The following ADAMTSL1 variants were observed in gnomAD, a reference collection of about 807,000 sequenced individuals.
ADAMTSL1 encodes ADAMTS-like protein 1.
A neutral mutation model predicts 201.8 loss-of-function variants in ADAMTSL1; 126 were observed. That is an observed-to-expected ratio of 0.62 (90% CI 0.54 to 0.72). ADAMTSL1 has a LOEUF of 0.72. ADAMTSL1 is among the 30% of genes least tolerant of loss of function. The pLI is 0.00. For missense variants in ADAMTSL1, 2,679 were observed against 2,277.8 expected, an observed-to-expected ratio of 1.18 and a Z score of -3.59; for synonymous variants, 1,121 against 903.4, an observed-to-expected ratio of 1.24 and a Z score of -4.32.
At chr9:18,076,947 C>T (rs549279779) in intron 1 of ADAMTSL1, among the ~76,000 whole-genome samples, 1 of 152,194 alleles carries the variant, frequency 6.6e-6, no homozygotes, top group South Asian at 2.1e-4. Flanking sequence ...TGAATGTATA[C>T]TTGGAATTAC....
chr9:18,225,981 A>T (rs1477229855), intron 2 of ADAMTSL1, among the ~76,000 whole-genome samples: 2 of 152,050 alleles, frequency 1.3e-5, no homozygotes, highest in Non-Finnish European at 2.9e-5. Context: ...TGCTGGTTTC[A>T]TAGTAAAATT....
At chr9:18,159,891 CT>C (rs1382047853) in intron 1 of ADAMTSL1, among the ~76,000 whole-genome samples, 1 of 152,106 alleles carries the variant, frequency 6.6e-6, no homozygotes, top group African/African-American at 2.4e-5. Context: ...GCAAAAGATT[CT>C]TGTTATTCAG....
At chr9:18,766,976 A>C (rs1435556801) in intron 16 of ADAMTSL1, among the ~76,000 whole-genome samples, 1 of 152,168 alleles carries the variant, frequency 6.6e-6, no homozygotes. Context: ...TATGTTTTGT[A>C]AGTAAACCTG....
chr9:18,603,754 C>G (rs35060497), intron 4 of ADAMTSL1, among the ~76,000 whole-genome samples: 16,076 of 152,084 alleles, frequency 0.11, 985 homozygotes, highest in African/African-American at 0.17. Flanking sequence ...TAAGTATATA[C>G]TTCAGGGACA....
At chr9:18,125,514 G>A (rs940284783) in intron 1 of ADAMTSL1, among the ~76,000 whole-genome samples, 2 of 152,102 alleles carry the variant, frequency 1.3e-5, no homozygotes, top group African/African-American at 4.8e-5. Flanking sequence ...CCAAGGTCAT[G>A]AAAATTTATA....
intron 2 of ADAMTSL1, among the ~76,000 whole-genome samples, chr9:18,178,460 G>A (rs367668739): frequency 5.9e-5 from 9 of 152,086 alleles, no homozygotes; most frequent in East Asian, 1.9e-4. Context: ...AGGGGCGCCC[G>A]CCATTGCCCA....
chr9:18,433,961 G>C (rs924662430), intron 2 of ADAMTSL1, among the ~76,000 whole-genome samples: 6 of 152,178 alleles, frequency 3.9e-5, no homozygotes, highest in African/African-American at 1.4e-4. Context: ...CCAATCCAAA[G>C]AGCTGTTAGA....
intron 2 of ADAMTSL1, among the ~76,000 whole-genome samples, chr9:18,408,891 G>T (rs1290640771): frequency 6.6e-6 from 1 of 152,114 alleles, no homozygotes; most frequent in Non-Finnish European, 1.5e-5. Flanking sequence ...CCTTTTAAGA[G>T]TAAAATATAA....
At chr9:18,031,841 G>GTGGGGGGC in intron 1 of ADAMTSL1, among the ~76,000 whole-genome samples, 1 of 152,324 alleles carries the variant, frequency 6.6e-6, no homozygotes, top group African/African-American at 2.4e-5. Context: ...GCTTGGCAGG[G>GTGGGGGGC]TCAGAGTGGG....
chr9:18,806,629 C>G (rs1301057649), intron 20 of ADAMTSL1, among the ~76,000 whole-genome samples: 2 of 152,178 alleles, frequency 1.3e-5, no homozygotes, highest in Non-Finnish European at 2.9e-5. Context: ...AGATATTTTT[C>G]AAACACATAT....
At chr9:18,804,847 GAT>G (rs1397028172) in intron 20 of ADAMTSL1, among the ~76,000 whole-genome samples, 2 of 152,122 alleles carry the variant, frequency 1.3e-5, no homozygotes, top group Non-Finnish European at 2.9e-5. Flanking sequence ...ACGTTTCTTT[GAT>G]ATACTCACTC....
chr9:18,068,744 G>T (rs1822822683), intron 1 of ADAMTSL1, among the ~76,000 whole-genome samples: 1 of 152,170 alleles, frequency 6.6e-6, no homozygotes, highest in Admixed American at 6.5e-5. Context: ...AGCACTCTAT[G>T]TGGCAATAGC....
chr9:18,254,251 T>C (rs931830477), intron 2 of ADAMTSL1, among the ~76,000 whole-genome samples: 1 of 152,074 alleles, frequency 6.6e-6, no homozygotes, highest in African/African-American at 2.4e-5. Flanking sequence ...TCATTATTAT[T>C]TGAGGGCTAA....
chr9:18,583,477 G>A (rs952543622), intron 4 of ADAMTSL1, among the ~76,000 whole-genome samples: 1 of 152,204 alleles, frequency 6.6e-6, no homozygotes, highest in Non-Finnish European at 1.5e-5. Context: ...GGGCTGTCAT[G>A]GAGAACCTCT....
At chr9:18,559,946 A>C (rs1264360415) in intron 3 of ADAMTSL1, among the ~76,000 whole-genome samples, 4 of 152,148 alleles carry the variant, frequency 2.6e-5, no homozygotes, top group African/African-American at 9.7e-5. Context: ...CAATTATGTC[A>C]TCTGCAAACA....
rs1191458417 is a variant in ADAMTSL1 at position 18,889,632 on chromosome 9, G to A, written c.4527G>A (p.Gln1509=). ...CCTCCTGTGGTAACCGGGGGGTTCA[G>A]CAGCCCCGCTTGAGGTGCCTGCTGA... ...CSASCGNRGV[Q]QPRLRCLLNS... Residue 1509 remains glutamine, a synonymous_variant, in exon 25 of 29, where the codon CAG becomes CAA. Coordinates refer to ENST00000380548, the MANE Select transcript of ADAMTSL1 (RefSeq NM_001040272.6). 4 of 1,613,376 alleles carry A rather than the reference G, an allele frequency of 2.5e-6. No individual in the cohort carries two copies. The highest frequency in any genetic ancestry group is 3.4e-6 in the Non-Finnish European group (4 of 1,179,700).
At chr9:18,401,372 C>G (rs1396247446) in intron 2 of ADAMTSL1, among the ~76,000 whole-genome samples, 1 of 152,170 alleles carries the variant, frequency 6.6e-6, no homozygotes, top group African/African-American at 2.4e-5. Flanking sequence ...GAGCCCAGTT[C>G]TACGTTCTGA....
chr9:18,507,912 C>T (rs1437595605), intron 2 of ADAMTSL1, among the ~76,000 whole-genome samples: 5 of 152,130 alleles, frequency 3.3e-5, no homozygotes, highest in African/African-American at 9.7e-5. Flanking sequence ...TGGCCAGGCA[C>T]AGTGGCTCAC....
chr9:18,329,487 C>G (rs1331464807), intron 2 of ADAMTSL1, among the ~76,000 whole-genome samples: 1 of 152,128 alleles, frequency 6.6e-6, no homozygotes, highest in Non-Finnish European at 1.5e-5. Flanking sequence ...AACGTGTCCA[C>G]TACAAGAATG....
Sources: allele counts gnomAD v4.1 joint callset (sites outside exome capture counted in the v4.1 genomes callset), GRCh38; gene constraint gnomAD v4.1.1; transcripts MANE v1.5; gene names NCBI Gene and HGNC (gene_info 2026-07-23, HGNC 2026-07-21).